RGPD4: variants seen among roughly 807,000 people sequenced by gnomAD.
RGPD4 encodes the protein ranBP2-like and GRIP domain-containing protein 4.
Under a neutral mutation model 141.1 loss-of-function variants are expected in RGPD4, and 84 were observed. The observed-to-expected ratio is 0.60, with a 90% confidence interval of 0.50 to 0.71. The LOEUF is 0.71. RGPD4 is among the 30% of genes least tolerant of loss of function. The pLI, the probability that RGPD4 is intolerant of heterozygous loss-of-function variation, is 0.00. For missense variants in RGPD4, 918 were observed against 1,622.4 expected, an observed-to-expected ratio of 0.57 and a Z score of 7.46; for synonymous variants, 298 against 566.8, an observed-to-expected ratio of 0.53 and a Z score of 6.74.
At chr2:107,857,944 A>G (rs1682384319) in intron 9 of RGPD4, among the ~76,000 whole-genome samples, 2 of 151,874 alleles carry the variant, frequency 1.3e-5, no homozygotes, top group African/African-American at 4.9e-5. Context: ...AGCCAAGATG[A>G]CACTGCTGCA....
intron 6 of RGPD4, among the ~76,000 whole-genome samples, chr2:107,844,674 T>A (rs1681851721): frequency 7.7e-6 from 1 of 129,482 alleles, no homozygotes; most frequent in Non-Finnish European, 1.7e-5. Flanking sequence ...AGAACTAACA[T>A]AACTTTAAGA....
At position 107,859,494 on chromosome 2, in the gene RGPD4, G is replaced by T. The variant is rs771391524; in HGVS notation, c.1574G>T (p.Cys525Phe). 5.6e-6 allele frequency: 9 copies of T among 1,611,056 alleles called. No individual in the cohort carries two copies. The South Asian group carries it at 7.7e-5, about 14-fold the overall frequency. ...CCCCTTCCTGTATGTAAACAGCTTT[G>T]TACAGAAAGACAAAAATCTTGGTGG... ...CLPLPVCKQL[C>F]TERQKSWWDA... Residue 525 changes from cysteine to phenylalanine, a missense_variant, in exon 11 of 23, where the codon TGT (cysteine) becomes TTT (phenylalanine). Cys to Phe is a radical substitution (Grantham distance 205, BLOSUM62 -2). Coordinates refer to ENST00000408999, the MANE Select transcript of RGPD4 (RefSeq NM_182588.3).
chr2:107,885,452 G>T (rs1435643529), intron 22 of RGPD4, among the ~76,000 whole-genome samples: 1 of 152,110 alleles, frequency 6.6e-6, no homozygotes. Flanking sequence ...CTAATGTCCA[G>T]GTGGCTCCTA....
intron 6 of RGPD4, among the ~76,000 whole-genome samples, chr2:107,845,448 G>T (rs190011917): frequency 0.033 from 4,840 of 148,818 alleles, 79 homozygotes; most frequent in African/African-American, 0.12. Context: ...CTCAGGAGGG[G>T]AGATGACCAT....
rs780859154 is a variant in RGPD4 at position 107,859,456 on chromosome 2, G to C, written c.1536G>C (p.Gln512His). Residue 512 changes from glutamine to histidine, a missense_variant, in exon 11 of 23, where the codon CAG becomes CAC. By Grantham distance (24) the Gln-to-His change is conservative (BLOSUM62 0). Transcript: ENST00000408999. ...EKCNSHHSSY[Q>H]PLCLPLPVCK... ...GTAATTCTCACCACAGCTCCTATCA[G>C]CCGTTATGCCTGCCCCTTCCTGTAT... is the stretch of plus-strand genomic sequence containing the variant. 1.2e-6 allele frequency: 2 copies of C among 1,611,064 alleles called. No individual in the cohort carries two copies. The highest frequency in any genetic ancestry group is 8.5e-7 in the Non-Finnish European group (1 of 1,179,844).
Position 107,875,608 on chromosome 2 carries a change from GT to G in RGPD4, c.4924+2683del, listed in dbSNP as rs918757093. Among the ~76,000 whole-genome samples the G allele has an allele frequency of 1.4e-4, 20 of 145,896 alleles. 1 individual carries two copies. The highest frequency in any genetic ancestry group is 5.2e-4 in the African/African-American group (20 of 38,240). On this transcript the variant is annotated intron_variant, in intron 20 of 22. Transcript: ENST00000408999. ...CAGGTTGCATATAGAAGTTTTTTCT[GT>G]TTCTAATTTTTTGCGCTTTGCATTA...
intron 21 of RGPD4, among the ~76,000 whole-genome samples, chr2:107,882,067 C>T (rs1333509050): frequency 6.6e-6 from 1 of 151,862 alleles, no homozygotes; most frequent in Non-Finnish European, 1.5e-5. Flanking sequence ...ATCTTGGTAC[C>T]AACCCATGGC....
chr2:107,885,547 A>T (rs2104520986), intron 22 of RGPD4, among the ~76,000 whole-genome samples: 1 of 152,320 alleles, frequency 6.6e-6, no homozygotes, highest in South Asian at 2.1e-4. Context: ...AGAATTTCAT[A>T]GAGGAGATAC....
At position 107,862,935 on chromosome 2, in the gene RGPD4, T is replaced by C; in HGVS notation, c.2386-14T>C. On this transcript the variant is annotated splice_polypyrimidine_tract_variant and intron_variant, in intron 16 of 22. Transcript: ENST00000408999. ...GTTTTAAATGCTCTTTTGTGATTTT[T>C]ATTTTTTTTTTAGTATTCTCCCAAA... 6.2e-7 allele frequency: 1 copy of C among 1,608,310 alleles called. No individual in the cohort carries two copies. The highest frequency in any genetic ancestry group is 8.5e-7 in the Non-Finnish European group (1 of 1,179,104).
intron 20 of RGPD4, among the ~76,000 whole-genome samples, chr2:107,873,486 A>T (rs1683001005): frequency 6.9e-6 from 1 of 145,474 alleles, no homozygotes; most frequent in African/African-American, 2.6e-5. Flanking sequence ...AGGCAGGAGG[A>T]TCGCTTGAGC....
At chr2:107,885,923 C>A (rs1388197809) in intron 22 of RGPD4, among the ~76,000 whole-genome samples, 2 of 151,478 alleles carry the variant, frequency 1.3e-5, no homozygotes, top group African/African-American at 4.8e-5. Flanking sequence ...CGTGGTGGTG[C>A]ATGCCTGTAA....
At chr2:107,877,973 T>A (rs1683137721) in intron 20 of RGPD4, among the ~76,000 whole-genome samples, 1 of 151,366 alleles carries the variant, frequency 6.6e-6, no homozygotes, top group South Asian at 2.1e-4. Context: ...CCACCGTGCC[T>A]GGCTAATTTT....
intron 22 of RGPD4, 88 bp downstream of exon 22, chr2:107,882,961 T>C (rs1264340577): frequency 1.3e-6 from 1 of 779,250 alleles, no homozygotes; most frequent in East Asian, 2.6e-5. Context: ...TGTGTAACTT[T>C]TCAATTTTGC....
chr2:107,884,594 C>T (rs1675460315), intron 22 of RGPD4, among the ~76,000 whole-genome samples: 2 of 146,040 alleles, frequency 1.4e-5, no homozygotes, highest in South Asian at 2.3e-4. Context: ...GGATGGTGGA[C>T]AAAAATACAT....
chr2:107,860,317 AG>A, intron 12 of RGPD4, among the ~76,000 whole-genome samples: 1 of 59,216 alleles, frequency 1.7e-5, no homozygotes, highest in Middle Eastern at 5.5e-3. Context: ...TATCATTAGA[AG>A]CATTTAAAAG....
chr2:107,845,841 G>A (rs1681912714), intron 6 of RGPD4, among the ~76,000 whole-genome samples: 2 of 152,002 alleles, frequency 1.3e-5, no homozygotes, highest in Admixed American at 1.3e-4. Context: ...TGGGATTACA[G>A]GCGTGAGCCA....
At chr2:107,865,542 G>T (rs1427888247) in intron 17 of RGPD4, among the ~76,000 whole-genome samples, 2 of 150,846 alleles carry the variant, frequency 1.3e-5, no homozygotes, top group Non-Finnish European at 3.0e-5. Context: ...GTTTTTTTGA[G>T]CAGGGAATTG....
At chr2:107,828,158 T>C (rs868191217) in intron 1 of RGPD4, among the ~76,000 whole-genome samples, 10 of 4,052 alleles carry the variant, frequency 2.5e-3, no homozygotes, top group African/African-American at 9.2e-3. Flanking sequence ...GGCATCATGG[T>C]TCCCGACGGG....
intron 7 of RGPD4, among the ~76,000 whole-genome samples, chr2:107,853,948 C>T (rs1682204434): frequency 7.4e-6 from 1 of 135,300 alleles, no homozygotes; most frequent in Admixed American, 7.6e-5. Context: ...TAGGGTCTCA[C>T]CGTGTTGTTC....
Sources: gnomAD v4.1 joint callset for allele counts (sites outside exome capture counted in the v4.1 genomes callset) on GRCh38, gnomAD v4.1.1 for gene constraint, MANE v1.5 for transcripts, NCBI Gene and HGNC (gene_info 2026-07-23, HGNC 2026-07-21) for gene names.